Variants in COLQ observed in about 807,000 individuals in gnomAD.
COLQ encodes collagen like tail subunit of asymmetric acetylcholinesterase, also known as acetylcholinesterase collagenic tail peptide.
COLQ carries 48 observed loss-of-function variants against 69.0 expected under a neutral mutation model. The ratio of observed to expected loss-of-function variants is 0.70; its 90% confidence interval spans 0.55 to 0.88. COLQ has a LOEUF of 0.88. COLQ is among the 40% of genes least tolerant of loss of function. The pLI is 0.00. For missense variants in COLQ, 618 were observed against 594.6 expected (o/e 1.04, Z -0.41); for synonymous variants, 217 against 211.2 (o/e 1.03, Z -0.24).
chr3:15,509,527 G>A (rs759521261), intron 1 of COLQ, among the ~76,000 whole-genome samples: 1 of 152,208 alleles, frequency 6.6e-6, no homozygotes, highest in Non-Finnish European at 1.5e-5. Flanking sequence ...CCTTTCTACT[G>A]AGAACTCAGA....
At chr3:15,457,623 C>CTTTTTT (rs10643789) in intron 13 of COLQ, among the ~76,000 whole-genome samples, 176 of 150,462 alleles carry the variant, frequency 1.2e-3, no homozygotes, top group African/African-American at 3.1e-3. Context: ...CAAAGTATAA[C>CTTTTTT]TTTTTTTGAG....
intron 10 of COLQ, among the ~76,000 whole-genome samples, chr3:15,471,692 T>C (rs1312886488): frequency 6.6e-6 from 1 of 152,206 alleles, no homozygotes; most frequent in Non-Finnish European, 1.5e-5. Flanking sequence ...AACACCTGTA[T>C]ATGGAAAGGA....
chr3:15,479,329 G>A lies in COLQ; in HGVS notation c.366+9C>T, dbSNP rs778157663. 8.7e-6 allele frequency: 14 copies of A among 1,613,254 alleles called. No homozygotes were observed. In the African/African-American group the frequency reaches 1.5e-4, roughly 17 times the overall value. Reference sequence around the variant, plus strand: ...GGAAAGAAGGGTTGAAGAAAGTAGTGGTCCATACCTTTTCTCCCTTTGGTC... The same window carrying A: ...GGAAAGAAGGGTTGAAGAAAGTAGTAGTCCATACCTTTTCTCCCTTTGGTC... On this transcript the variant is annotated intron_variant, in intron 4 of 16. Transcript: ENST00000383788.
intron 3 of COLQ, among the ~76,000 whole-genome samples, chr3:15,483,947 C>G (rs1001545681): frequency 5.3e-5 from 8 of 152,090 alleles, no homozygotes; most frequent in African/African-American, 9.7e-5. Context: ...TTATTGAATT[C>G]ATCCCTTTAC....
intron 11 of COLQ, chr3:15,467,956 T>G (rs1398482976): frequency 2.0e-5 from 9 of 456,608 alleles, no homozygotes; most frequent in Non-Finnish European, 3.5e-5. Flanking sequence ...GATTCCATGT[T>G]TATGGAGGGA....
At chr3:15,467,802 C>G (rs1221028012) in intron 11 of COLQ, 1 of 451,966 alleles carries the variant, frequency 2.2e-6, no homozygotes, top group East Asian at 7.0e-5. Flanking sequence ...ATCTGGGGAG[C>G]AGGCAGGCTT....
intron 1 of COLQ, among the ~76,000 whole-genome samples, chr3:15,514,048 G>C (rs2063022747): frequency 6.6e-6 from 1 of 152,156 alleles, no homozygotes; most frequent in Non-Finnish European, 1.5e-5. Flanking sequence ...TTTGAAGGTG[G>C]AGAAAGGGGC....
intron 5 of COLQ, chr3:15,478,647 G>T: frequency 2.2e-6 from 1 of 458,052 alleles, no homozygotes; most frequent in Non-Finnish European, 4.0e-6. Flanking sequence ...AATGTCACTG[G>T]TTGGAGCTAT....
chr3:15,521,325 G>A (rs539130039), intron 1 of COLQ, among the ~76,000 whole-genome samples, 195 bp downstream of exon 1: 6 of 152,290 alleles, frequency 3.9e-5, no homozygotes, highest in South Asian at 4.1e-4. Flanking sequence ...GGTAGGAGCC[G>A]GTTGGAACAA....
At chr3:15,515,683 G>C (rs1174277896) in intron 1 of COLQ, among the ~76,000 whole-genome samples, 2 of 152,154 alleles carry the variant, frequency 1.3e-5, no homozygotes, top group Admixed American at 1.3e-4. Context: ...GTGGGAGCCT[G>C]TAATCCCAGC....
chr3:15,517,955 TG>T lies in COLQ; in HGVS notation c.106+3564del, dbSNP rs1467163326. ...TAGCTCTAGTCTACTATGTTTTGTTTGTTTTTTTAAACGAAGTTTCACTCTT... is the reference window on the plus strand; with the variant it reads ...TAGCTCTAGTCTACTATGTTTTGTTTTTTTTTTAAACGAAGTTTCACTCTT... On this transcript the variant is annotated intron_variant, in intron 1 of 16. Coordinates refer to ENST00000383788, the MANE Select transcript of COLQ (RefSeq NM_005677.4). 3.3e-5 allele frequency among the ~76,000 whole-genome samples: 5 copies of T among 152,164 alleles called. No individual in the cohort carries two copies. In the East Asian group the frequency reaches 9.6e-4, roughly 29 times the overall value.
At chr3:15,466,080 G>T (rs941609865) in intron 12 of COLQ, among the ~76,000 whole-genome samples, 1 of 152,116 alleles carries the variant, frequency 6.6e-6, no homozygotes, top group Admixed American at 6.5e-5. Flanking sequence ...TTCACTTAAG[G>T]TATAAATGAC....
intron 3 of COLQ, among the ~76,000 whole-genome samples, chr3:15,482,127 GT>G (rs2062496209): frequency 6.6e-6 from 1 of 152,216 alleles, no homozygotes; most frequent in African/African-American, 2.4e-5. Flanking sequence ...AGATGATGGG[GT>G]TTTCTAAATA....
At chr3:15,489,103 T>C (rs1338558775) in intron 2 of COLQ, among the ~76,000 whole-genome samples, 6 of 152,218 alleles carry the variant, frequency 3.9e-5, no homozygotes, top group Non-Finnish European at 8.8e-5. Flanking sequence ...AACTATTTCC[T>C]GAGTCACCTC....
At chr3:15,462,233 T>C (rs1417581147) in intron 12 of COLQ, among the ~76,000 whole-genome samples, 1 of 152,060 alleles carries the variant, frequency 6.6e-6, no homozygotes, top group African/African-American at 2.4e-5. Context: ...TTTCACCATG[T>C]TGGCCAGGCT....
At chr3:15,485,480 T>C (rs906999161) in intron 3 of COLQ, among the ~76,000 whole-genome samples, 11 of 152,218 alleles carry the variant, frequency 7.2e-5, no homozygotes, top group Admixed American at 4.6e-4. Flanking sequence ...CTGAGGGCTA[T>C]AGACTGGAGC....
chr3:15,497,470 G>A (rs2062762380), intron 1 of COLQ, among the ~76,000 whole-genome samples: 2 of 152,244 alleles, frequency 1.3e-5, no homozygotes, highest in South Asian at 4.1e-4. Context: ...TCTGCCTTCT[G>A]TTTTTCCATC....
intron 1 of COLQ, among the ~76,000 whole-genome samples, chr3:15,493,469 T>A (rs1429138780): frequency 6.6e-6 from 1 of 152,290 alleles, no homozygotes; most frequent in African/African-American, 2.4e-5. Context: ...TATGCTTCTT[T>A]CTGTGCATCT....
At chr3:15,461,111 G>T (rs990374999) in intron 12 of COLQ, among the ~76,000 whole-genome samples, 25 of 152,142 alleles carry the variant, frequency 1.6e-4, no homozygotes, top group Non-Finnish European at 2.8e-4. Context: ...CTTATACTCT[G>T]TCTGGGTACA....
Sources: gnomAD v4.1 joint callset for allele counts (sites outside exome capture counted in the v4.1 genomes callset) on GRCh38, gnomAD v4.1.1 for gene constraint, MANE v1.5 for transcripts, NCBI Gene and HGNC (gene_info 2026-07-23, HGNC 2026-07-21) for gene names.